RP1: variants seen among roughly 807,000 people sequenced by gnomAD.
RP1 encodes oxygen-regulated protein 1.
RP1 carries 16 observed loss-of-function variants against 14.8 expected under a neutral mutation model. That is an observed-to-expected ratio of 1.08 (90% CI 0.73 to 1.65). RP1 has a LOEUF of 1.65. Ranked by LOEUF, RP1 falls within the 40% of genes most tolerant of loss-of-function variation. RP1 has a pLI of 0.00. For synonymous variants in RP1, 876 were observed against 883.6 expected, an observed-to-expected ratio of 0.99 and a Z score of 0.15; for missense variants, 2,631 against 2,535.0, an observed-to-expected ratio of 1.04 and a Z score of -0.81.
At chr8:54,609,576 C>G (rs549342926) in intron 1 of RP1, among the ~76,000 whole-genome samples, 2 of 152,298 alleles carry the variant, frequency 1.3e-5, no homozygotes, top group East Asian at 1.9e-4. Context: ...CCCCCACAAG[C>G]CTACTATACC....
rs770815082 is a variant in RP1 at position 54,628,082 on chromosome 8, C to T, written c.4200C>T (p.Gly1400=). 1.8e-5 allele frequency: 29 copies of T among 1,613,878 alleles called. No homozygotes were observed. In the Admixed American group the frequency reaches 3.0e-4, roughly 17 times the overall value. ...ATGTCAGTAATTTAAGCTCCTGTGG[C>T]CTTTGCCTAAGTGAAAAAGAAGCAG... ...HQNVSNLSSC[G]LCLSEKEAEL... is the part of the protein sequence containing the mutation. Residue 1400 remains glycine, a synonymous_variant, in exon 4 of 4, where the codon GGC becomes GGT. Coordinates refer to ENST00000220676, the MANE Select transcript of RP1 (RefSeq NM_006269.2).
chr8:54,689,314 T>G (rs181508822), intron 12 of RP1, among the ~76,000 whole-genome samples: 5 of 152,264 alleles, frequency 3.3e-5, no homozygotes, highest in Non-Finnish European at 7.4e-5. Context: ...TTCTTTCTCT[T>G]GCCTGATTGC....
At chr8:54,804,981 A>G (rs1810812678) in intron 24 of RP1, among the ~76,000 whole-genome samples, 1 of 152,350 alleles carries the variant, frequency 6.6e-6, no homozygotes, top group South Asian at 2.1e-4. Flanking sequence ...TCAAATACAG[A>G]TGCTTGGGTT....
At chr8:54,833,208 C>T (rs1195888638) in intron 24 of RP1, among the ~76,000 whole-genome samples, 1 of 151,936 alleles carries the variant, frequency 6.6e-6, no homozygotes, top group Non-Finnish European at 1.5e-5. Context: ...GTTCATTCTG[C>T]CCATTCTTCA....
intron 6 of RP1, among the ~76,000 whole-genome samples, chr8:54,658,423 C>G (rs1431513013): frequency 6.7e-6 from 1 of 149,684 alleles, no homozygotes; most frequent in Admixed American, 6.6e-5. Context: ...TAGTGGCGGG[C>G]GCCTGTAGTC....
intron 24 of RP1, among the ~76,000 whole-genome samples, chr8:54,807,978 C>CA (rs11310545): frequency 6.1e-4 from 89 of 146,664 alleles, no homozygotes; most frequent in East Asian, 5.2e-3. Context: ...TGATCTTATC[C>CA]AAAAAAAAAA....
At chr8:54,854,359 G>A (rs1399873359) in intron 26 of RP1, among the ~76,000 whole-genome samples, 1 of 152,130 alleles carries the variant, frequency 6.6e-6, no homozygotes, top group Non-Finnish European at 1.5e-5. Context: ...ATCCTAATGT[G>A]CAGCATCAGA....
intron 16 of RP1, among the ~76,000 whole-genome samples, chr8:54,725,762 C>T (rs956278037): frequency 2.0e-5 from 3 of 152,100 alleles, no homozygotes; most frequent in Admixed American, 2.0e-4. Context: ...ACACAAACAA[C>T]TTGAATTTGA....
At chr8:54,707,097 C>G (rs531132735) in intron 15 of RP1, among the ~76,000 whole-genome samples, 2 of 152,222 alleles carry the variant, frequency 1.3e-5, no homozygotes, top group South Asian at 2.1e-4. Context: ...CTGTACTTGA[C>G]TAGGAAGCTA....
chr8:54,692,963 C>T (rs202206974), intron 12 of RP1, among the ~76,000 whole-genome samples: 8 of 151,938 alleles, frequency 5.3e-5, no homozygotes, highest in Admixed American at 1.3e-4. Context: ...CTAACATTTA[C>T]GTCTTTAATC....
At chr8:54,614,244 A>C (rs1805661615), upstream of RP1, among the ~76,000 whole-genome samples, 1 of 152,158 alleles carries the variant, frequency 6.6e-6, no homozygotes, top group South Asian at 2.1e-4. Context: ...TCATCTGGCC[A>C]CTCTAACAGC....
intron 6 of RP1, among the ~76,000 whole-genome samples, chr8:54,658,338 T>G (rs979878340): frequency 2.6e-5 from 4 of 151,410 alleles, no homozygotes; most frequent in Admixed American, 2.0e-4. Flanking sequence ...GATCACGAGG[T>G]CAGGAGATCG....
rs988146234 is a variant in RP1 at position 54,701,543 on chromosome 8, C to T, written c.1879C>T (p.Leu627Phe). 2.0e-6 allele frequency: 3 copies of T among 1,535,584 alleles called. No homozygotes were observed. In the African/African-American group the frequency reaches 4.1e-5, roughly 21 times the overall value. The change falls in exon 14 of 23, where the codon CTT becomes TTT. Residue 627 changes from leucine (L) to phenylalanine (F), a missense_variant. Transcript: ENST00000636932. ...GCTTTATCAGCCTAACCGCTGTGCA[C>T]TTCTTGAGTCGGCACTGGTTCCTGG...
intron 24 of RP1, among the ~76,000 whole-genome samples, chr8:54,816,965 C>A (rs1811147031): frequency 6.6e-6 from 1 of 151,986 alleles, no homozygotes; most frequent in Non-Finnish European, 1.5e-5. Flanking sequence ...TGATATCCAC[C>A]AGCTTAGGAG....
chr8:54,628,790 C>T lies in RP1; in HGVS notation c.4908C>T (p.Tyr1636=), dbSNP rs200942439. Residue 1636 remains tyrosine (Y), a synonymous_variant, in exon 4 of 4, where the codon TAC becomes TAT. Coordinates refer to ENST00000220676, the MANE Select transcript of RP1 (RefSeq NM_006269.2). ...TTAAAAGGGCAATAGAAAAACTGTA[C>T]GGTAAAGCAGATATTATCAAACCAT... is the stretch of plus-strand genomic sequence containing the variant. ...GFVKRAIEKL[Y]GKADIIKPSF... 215 of 1,614,010 alleles carry T rather than the reference C, an allele frequency of 1.3e-4. 1 individual carries two copies. Among genetic ancestry groups the T allele is most frequent in the Admixed American group, 8.3e-4 (50 of 60,016 alleles).
At position 54,838,326 on chromosome 8, in the gene RP1, T is replaced by C. The variant is rs1367302439; in HGVS notation, c.3835+657T>C. 3.3e-5 allele frequency among the ~76,000 whole-genome samples: 5 copies of C among 152,232 alleles called. No individual in the cohort carries two copies. The East Asian group carries it at 9.6e-4, about 29-fold the overall frequency. Reference sequence around the variant, plus strand: ...AATGTCTTAATTTTCTCTCTGTCCATTCCTGGTATCTCTAATAACTACCTT... The same window carrying C: ...AATGTCTTAATTTTCTCTCTGTCCACTCCTGGTATCTCTAATAACTACCTT... On this transcript the variant is annotated intron_variant, in intron 25 of 28. Coordinates refer to the RP1 transcript ENST00000637698.
At chr8:54,569,523 C>T (rs1295442862) in intron 1 of RP1, among the ~76,000 whole-genome samples, 1 of 152,206 alleles carries the variant, frequency 6.6e-6, no homozygotes, top group Non-Finnish European at 1.5e-5. Flanking sequence ...TGATATTATA[C>T]ATTATTCTCT....
At chr8:54,841,910 G>A (rs562894998) in intron 25 of RP1, among the ~76,000 whole-genome samples, 52 of 152,350 alleles carry the variant, frequency 3.4e-4, no homozygotes, top group Non-Finnish European at 5.9e-4. Flanking sequence ...ACTTTGGCAA[G>A]TGGTCAGAAG....
intron 12 of RP1, among the ~76,000 whole-genome samples, chr8:54,684,132 T>C (rs1585604363): frequency 6.6e-6 from 1 of 152,262 alleles, no homozygotes; most frequent in East Asian, 1.9e-4. Context: ...TTTTGTATGT[T>C]GAATCAACCT....
Sources: allele counts gnomAD v4.1 joint callset (sites outside exome capture counted in the v4.1 genomes callset), GRCh38; gene constraint gnomAD v4.1.1; transcripts MANE v1.5; gene names NCBI Gene and HGNC (gene_info 2026-07-23, HGNC 2026-07-21).